The following RBM4B variants were observed in gnomAD, a reference collection of about 807,000 sequenced individuals.
RBM4B encodes RNA binding motif protein 4B, also known as RNA-binding protein 4B.
Under a neutral mutation model 28.5 loss-of-function variants are expected in RBM4B, and 13 were observed. The ratio of observed to expected loss-of-function variants is 0.46; its 90% CI spans 0.30 to 0.72. The LOEUF (loss-of-function observed/expected upper bound fraction) is 0.72, where lower values mean the gene tolerates loss of function less well. RBM4B is among the 30% of genes least tolerant of loss of function. The probability of loss-of-function intolerance (pLI) is 0.09; values close to 1 mark genes in which losing one functional copy is unlikely to be tolerated. For missense variants in RBM4B, 387 were observed against 477.6 expected (o/e 0.81, Z 1.77); for synonymous variants, 167 against 179.1 (o/e 0.93, Z 0.54).
chr11:66,675,734 C>T (rs182477271), intron 2 of RBM4B: 9 of 152,308 alleles, frequency 5.9e-5, no homozygotes, highest in African/African-American at 2.2e-4. Flanking sequence ...AAAGAATGTT[C>T]TATGATGATG....
intron 2 of RBM4B, chr11:66,676,440 A>C (rs1393957513): frequency 9.9e-6 from 6 of 604,398 alleles, no homozygotes; most frequent in East Asian, 2.8e-5. Context: ...AAAGTAACCC[A>C]CAGTTTGTGA....
Position 66,668,832 on chromosome 11 carries a change from G to A in RBM4B, c.872C>T (p.Ala291Val), listed in dbSNP as rs775413677. 4.3e-6 allele frequency: 7 copies of A among 1,614,126 alleles called. No homozygotes were observed. Among genetic ancestry groups the A allele is most frequent in the Non-Finnish European group, 5.9e-6 (7 of 1,179,998 alleles). The change falls in exon 3 of 4, where the codon GCT (alanine) becomes GTT (valine). Residue 291 changes from alanine (A) to valine (V), a missense_variant. Physicochemically the swap from Ala to Val is moderately conservative, Grantham distance 64. Transcript: ENST00000310046. ...ATAGTAGGAGGAAGTGGTGGCTGCA[G>A]CAGCAGCCATAGCAGCTGAAGTGGC... ...AAATSAAMAA[A>V]AATTSSYYGR...
At chr11:66,673,524 G>T (rs1939535707) in intron 2 of RBM4B, among the ~76,000 whole-genome samples, 1 of 152,164 alleles carries the variant, frequency 6.6e-6, no homozygotes, top group Admixed American at 6.5e-5. Flanking sequence ...CGGTGGCACG[G>T]TCTTGACTCA....
intron 3 of RBM4B, 69 bp downstream of exon 3, chr11:66,668,546 T>G: frequency 7.4e-7 from 1 of 1,353,822 alleles, no homozygotes; most frequent in Non-Finnish European, 1.0e-6. Context: ...TCTAGCCACT[T>G]TTATGAAGCA....
intron 3 of RBM4B, 68 bp from the exon 4 acceptor site, chr11:66,665,646 G>A (rs998494385): frequency 3.8e-5 from 59 of 1,534,576 alleles, no homozygotes; most frequent in African/African-American, 2.1e-4. Context: ...GCGTACAAGC[G>A]CCCTGGGTCC....
chr11:66,669,674 G>A (rs1467175413), intron 2 of RBM4B, among the ~76,000 whole-genome samples: 4 of 152,198 alleles, frequency 2.6e-5, no homozygotes, highest in Non-Finnish European at 4.4e-5. Flanking sequence ...TCAAACTCCC[G>A]ACCTTGGGTG....
intron 3 of RBM4B, chr11:66,666,469 TA>T: frequency 1.0e-6 from 1 of 986,400 alleles, no homozygotes; most frequent in South Asian, 4.7e-5. Context: ...AACTCAGGGT[TA>T]TTCAGTCCAT....
chr11:66,675,183 C>T (rs1939599755), intron 2 of RBM4B, among the ~76,000 whole-genome samples: 1 of 152,226 alleles, frequency 6.6e-6, no homozygotes, highest in African/African-American at 2.4e-5. Flanking sequence ...TAGAAACACT[C>T]ATGGTTGCAA....
At chr11:66,670,908 T>A (rs1939441461) in intron 2 of RBM4B, 1 of 702,258 alleles carries the variant, frequency 1.4e-6, no homozygotes, top group African/African-American at 1.7e-5. Context: ...CCCTCTGCAA[T>A]CAGCAAGTTG....
At chr11:66,671,027 C>CA (rs1310887093) in intron 2 of RBM4B, 1 of 702,572 alleles carries the variant, frequency 1.4e-6, no homozygotes, top group Non-Finnish European at 2.6e-6. Context: ...AGAACAGTGC[C>CA]ATGCACTGAC....
intron 2 of RBM4B, among the ~76,000 whole-genome samples, chr11:66,671,832 G>A (rs909320064): frequency 6.6e-6 from 1 of 151,968 alleles, no homozygotes; most frequent in African/African-American, 2.4e-5. Flanking sequence ...CCTCCACCTC[G>A]CGGGTTCAAG....
At chr11:66,669,396 A>G (rs753253725) in intron 2 of RBM4B, 105 bp from the exon 3 acceptor site, 5 of 1,093,308 alleles carry the variant, frequency 4.6e-6, no homozygotes, top group African/African-American at 1.6e-5. Flanking sequence ...ACATAGACGC[A>G]CACACCTGTG....
chr11:66,672,712 G>A, intron 2 of RBM4B, among the ~76,000 whole-genome samples: 1 of 152,012 alleles, frequency 6.6e-6, no homozygotes. Context: ...GGCCAGGCTG[G>A]TCTCGAACTC....
rs1483028492 is a variant in RBM4B at position 66,665,344 on chromosome 11, C to G, written c.*244G>C. 3 of 573,460 alleles carry G rather than the reference C, an allele frequency of 5.2e-6. No individual in the cohort carries two copies. Among genetic ancestry groups the G allele is most frequent in the Non-Finnish European group, 9.3e-6 (3 of 323,074 alleles). 35.5% of individuals were successfully genotyped at this position (573,460 alleles called of 1,614,324 possible). A position where few individuals can be genotyped will look rare whatever the true frequency, so the allele number is the denominator to read the frequency against. On this transcript the variant is annotated 3_prime_UTR_variant, in exon 4 of 4. Coordinates refer to ENST00000310046, the MANE Select transcript of RBM4B (RefSeq NM_031492.4). ...AAAGGGGATGCCAGCATAATCCTTA[C>G]CTAGGGCTGCTCAGAGGCTGAGAAT... is the stretch of plus-strand genomic sequence containing the variant.
intron 2 of RBM4B, chr11:66,675,840 T>A (rs1406660582): frequency 6.6e-6 from 1 of 152,258 alleles, no homozygotes; most frequent in African/African-American, 2.4e-5. Context: ...AACTGAATTT[T>A]AAATTTTATC....
intron 2 of RBM4B, among the ~76,000 whole-genome samples, chr11:66,672,508 G>C (rs895570411): frequency 5.3e-5 from 8 of 150,638 alleles, no homozygotes; most frequent in Admixed American, 1.3e-4. Flanking sequence ...ATTTTTTTGG[G>C]GGGGGGGGAC....
Position 66,665,437 on chromosome 11 carries a change from T to G in RBM4B, c.*151A>C. 4.3e-6 allele frequency: 3 copies of G among 704,982 alleles called. No homozygotes were observed. The highest frequency in any genetic ancestry group is 7.4e-6 in the Non-Finnish European group (3 of 403,912). 43.7% of individuals were successfully genotyped at this position (704,982 alleles called of 1,614,324 possible). A position where few individuals can be genotyped will look rare whatever the true frequency, so the allele number is the denominator to read the frequency against. ...GAAAGAAAAGTCAACTTAGAAGAAT[T>G]AAGAAAGAAAACATAGTTGGTCACA... On this transcript the variant is annotated 3_prime_UTR_variant, in exon 4 of 4. Transcript: ENST00000310046.
intron 2 of RBM4B, among the ~76,000 whole-genome samples, 153 bp from the exon 3 acceptor site, chr11:66,669,444 GTTTT>G (rs1278264019): frequency 2.6e-5 from 4 of 151,544 alleles, no homozygotes; most frequent in Admixed American, 2.6e-4. Context: ...AGTAGTTGAA[GTTTT>G]TTTGTTTTTT....
intron 3 of RBM4B, chr11:66,667,169 G>A (rs1287063339): frequency 6.6e-6 from 1 of 152,160 alleles, no homozygotes; most frequent in African/African-American, 2.4e-5. Flanking sequence ...TTCAAGTGAT[G>A]CTCAATTTCA....
Sources: allele counts gnomAD v4.1 joint callset (sites outside exome capture counted in the v4.1 genomes callset), GRCh38; gene constraint gnomAD v4.1.1; transcripts MANE v1.5; gene names NCBI Gene and HGNC (gene_info 2026-07-23, HGNC 2026-07-21).